NTRK3: variants seen among roughly 807,000 people sequenced by gnomAD.
The protein encoded by NTRK3 is neurotrophic receptor tyrosine kinase 3, also known as NT-3 growth factor receptor.
A neutral mutation model predicts 91.7 loss-of-function variants in NTRK3; 24 were observed. The observed-to-expected ratio is 0.26, with a 90% CI of 0.19 to 0.37. The LOEUF (loss-of-function observed/expected upper bound fraction) is 0.37. NTRK3 is among the 10% of genes least tolerant of loss of function. NTRK3 has a pLI of 1.00. For missense variants in NTRK3, 880 were observed against 1,068.9 expected (o/e 0.82, Z 2.46); for synonymous variants, 483 against 404.0 (o/e 1.20, Z -2.34).
intron 3 of NTRK3, among the ~76,000 whole-genome samples, chr15:88,188,437 T>C (rs956818886): frequency 1.4e-4 from 22 of 152,184 alleles, no homozygotes; most frequent in Admixed American, 1.3e-3. Context: ...GAGATGTTGC[T>C]AAACATCCTG....
chr15:87,861,322 T>C (rs113695039), exon 19 of NTRK3: 1 of 216,628 alleles, frequency 4.6e-6, no homozygotes, highest in Admixed American at 5.8e-5. Context: ...TGCACTGAAG[T>C]AGGTACCAGC....
Position 87,931,812 on chromosome 15 carries a change from A to G in NTRK3, c.1889+1200T>C, listed in dbSNP as rs3784438. ...TTGCCCCTCAAAACCACGACACCCT[A>G]TTGAATGTCCCACTTCAAGAGGATG... is the stretch of plus-strand genomic sequence containing the variant. On this transcript the variant is annotated intron_variant, in intron 16 of 18. Transcript: ENST00000394480. Among the ~76,000 whole-genome samples the G allele has an allele frequency of 5.4e-4, 82 of 152,238 alleles. No homozygotes were observed. The East Asian group carries it at 0.015, about 28-fold the overall frequency.
At chr15:87,888,345 C>T (rs184248207) in intron 17 of NTRK3, among the ~76,000 whole-genome samples, 1 of 152,260 alleles carries the variant, frequency 6.6e-6, no homozygotes, top group African/African-American at 2.4e-5. Flanking sequence ...TCCTTTTATA[C>T]CCAGAGACCA....
At chr15:87,975,809 T>C (rs2073669535) in intron 14 of NTRK3, among the ~76,000 whole-genome samples, 1 of 152,188 alleles carries the variant, frequency 6.6e-6, no homozygotes, top group Admixed American at 6.5e-5. Context: ...TCTCCTTGGG[T>C]CTTCTCACTA....
At chr15:88,043,037 G>C (rs1165920160) in intron 13 of NTRK3, among the ~76,000 whole-genome samples, 1 of 152,174 alleles carries the variant, frequency 6.6e-6, no homozygotes, top group East Asian at 1.9e-4. Context: ...CTTTGTTTAG[G>C]AAAGAAGCCC....
At chr15:88,051,817 C>T (rs896167222) in intron 13 of NTRK3, among the ~76,000 whole-genome samples, 2 of 152,290 alleles carry the variant, frequency 1.3e-5, no homozygotes, top group Non-Finnish European at 2.9e-5. Context: ...ATTTAAGTGA[C>T]AGGTTCTTCT....
At chr15:88,124,316 G>C (rs904059807) in intron 13 of NTRK3, among the ~76,000 whole-genome samples, 1 of 152,206 alleles carries the variant, frequency 6.6e-6, no homozygotes, top group Non-Finnish European at 1.5e-5. Context: ...CCTGGGAGAG[G>C]GGAGCAGGGG....
chr15:88,094,189 G>A (rs563730886), intron 13 of NTRK3, among the ~76,000 whole-genome samples: 15 of 152,134 alleles, frequency 9.9e-5, no homozygotes, highest in Non-Finnish European at 1.5e-4. Context: ...GAAGTCGGCC[G>A]GGCGCGGTGG....
At chr15:87,972,725 G>C (rs2073360243) in intron 14 of NTRK3, among the ~76,000 whole-genome samples, 1 of 152,160 alleles carries the variant, frequency 6.6e-6, no homozygotes, top group African/African-American at 2.4e-5. Context: ...GTCCCATATG[G>C]AAGGCTCATG....
chr15:87,893,549 T>C (rs1014426752), intron 17 of NTRK3, among the ~76,000 whole-genome samples: 2 of 152,222 alleles, frequency 1.3e-5, no homozygotes, highest in African/African-American at 4.8e-5. Context: ...ATTGTCTTGC[T>C]CATTTCCATT....
chr15:88,128,285 G>A (rs969462638), intron 11 of NTRK3, among the ~76,000 whole-genome samples: 11 of 152,182 alleles, frequency 7.2e-5, no homozygotes, highest in African/African-American at 1.7e-4. Context: ...AAGCTCTCAT[G>A]AGGCGAGTCC....
chr15:88,223,626 C>A (rs1163116620), intron 3 of NTRK3, among the ~76,000 whole-genome samples: 1 of 152,198 alleles, frequency 6.6e-6, no homozygotes, highest in Non-Finnish European at 1.5e-5. Flanking sequence ...TTCATCGCTC[C>A]ATGGTCTTGG....
intron 13 of NTRK3, among the ~76,000 whole-genome samples, chr15:88,113,476 C>T (rs182499859): frequency 2.6e-4 from 40 of 152,046 alleles, no homozygotes; most frequent in African/African-American, 9.2e-4. Context: ...CGACCACGCC[C>T]GGCTAATTTT....
At chr15:88,139,930 G>T (rs549022508) in intron 6 of NTRK3, among the ~76,000 whole-genome samples, 2 of 127,446 alleles carry the variant, frequency 1.6e-5, no homozygotes, top group Non-Finnish European at 3.4e-5. Flanking sequence ...GGGAGGGGGG[G>T]AGTGTGGGGG....
intron 13 of NTRK3, among the ~76,000 whole-genome samples, chr15:88,120,421 A>T (rs886198626): frequency 1.6e-4 from 24 of 152,244 alleles, no homozygotes; most frequent in Non-Finnish European, 2.9e-5. Context: ...CCGCAGGCCC[A>T]TCAGAGGCAC....
intron 13 of NTRK3, among the ~76,000 whole-genome samples, chr15:88,044,435 G>A (rs2079964782): frequency 6.6e-6 from 1 of 151,490 alleles, no homozygotes; most frequent in Admixed American, 6.6e-5. Context: ...TAATTTTTTT[G>A]TATTTTTAGT....
rs73456335 is a variant in NTRK3 at position 87,913,352 on chromosome 15, G to C, written c.2133+15839C>G. On this transcript the variant is annotated intron_variant, in intron 17 of 18. Coordinates refer to ENST00000394480, the Ensembl canonical transcript of NTRK3. ...ATGTCACATTAGAATCCCTCCACTT[G>C]TGTGAATCCAAGGTTAGAGCATGCC... Among the ~76,000 whole-genome samples, 688 of 152,152 alleles carry C rather than the reference G, an allele frequency of 4.5e-3. 6 individuals carry two copies. Among genetic ancestry groups the C allele is most frequent in the African/African-American group, 0.016 (652 of 41,536 alleles).
Position 88,062,814 on chromosome 15 carries a change from C to T in NTRK3, c.1397-29769G>A, listed in dbSNP as rs117794714. Reference sequence around the variant, plus strand: ...TTTTGTTAGAAGGGTGAGAACATTGCTTTCCTTGGGCTACTGAGGGTCAGC... The same window carrying T: ...TTTTGTTAGAAGGGTGAGAACATTGTTTTCCTTGGGCTACTGAGGGTCAGC... On this transcript the variant is annotated intron_variant, in intron 13 of 18. Coordinates refer to ENST00000394480, the Ensembl canonical transcript of NTRK3. Among the ~76,000 whole-genome samples the T allele has an allele frequency of 3.2e-4, 48 of 152,340 alleles. No homozygotes were observed. In the East Asian group the frequency reaches 9.3e-3, roughly 29 times the overall value.
chr15:87,909,451 TA>T (rs2066959965), intron 17 of NTRK3, among the ~76,000 whole-genome samples: 1 of 152,042 alleles, frequency 6.6e-6, no homozygotes, highest in African/African-American at 2.4e-5. Flanking sequence ...ATTCATGAAG[TA>T]ACATGTCCCT....
Sources: gnomAD v4.1 joint callset for allele counts (sites outside exome capture counted in the v4.1 genomes callset) on GRCh38, gnomAD v4.1.1 for gene constraint, MANE v1.5 for transcripts, NCBI Gene and HGNC (gene_info 2026-07-23, HGNC 2026-07-21) for gene names.